The following KIAA1217 variants were observed in gnomAD, a reference collection of about 807,000 sequenced individuals.
The protein encoded by KIAA1217 is KIAA1217.
Under a neutral mutation model 163.9 loss-of-function variants are expected in KIAA1217, and 88 were observed. That is an observed-to-expected ratio of 0.54 (90% CI 0.45 to 0.64). KIAA1217 has a LOEUF of 0.64. Ranked by LOEUF, KIAA1217 falls within the 30% of genes least tolerant of loss-of-function variation. The probability of loss-of-function intolerance (pLI) is 0.00; values close to 1 mark genes in which losing one functional copy is unlikely to be tolerated. For missense variants in KIAA1217, 2,372 were observed against 2,475.0 expected (o/e 0.96, Z 0.88); for synonymous variants, 903 against 923.1 (o/e 0.98, Z 0.39).
intron 1 of KIAA1217, among the ~76,000 whole-genome samples, chr10:23,848,998 A>G (rs914044925): frequency 3.3e-5 from 5 of 152,042 alleles, no homozygotes; most frequent in Admixed American, 1.3e-4. Context: ...AATTGTGTCT[A>G]TTTTCTATTT....
intron 2 of KIAA1217, among the ~76,000 whole-genome samples, chr10:24,137,471 G>A (rs1216658329): frequency 1.3e-5 from 2 of 152,222 alleles, no homozygotes; most frequent in Non-Finnish European, 2.9e-5. Context: ...ACACTCTTTG[G>A]AAGTTCTCAC....
intron 1 of KIAA1217, among the ~76,000 whole-genome samples, chr10:23,852,235 C>T (rs1456685209): frequency 2.0e-5 from 3 of 152,144 alleles, no homozygotes; most frequent in African/African-American, 7.2e-5. Context: ...CTACATATGG[C>T]TAGCCAGTTT....
At chr10:24,393,866 C>T (rs1311071257) in intron 3 of KIAA1217, among the ~76,000 whole-genome samples, 3 of 152,178 alleles carry the variant, frequency 2.0e-5, no homozygotes. Flanking sequence ...CACAGCCCCA[C>T]GTACTTAATT....
intron 1 of KIAA1217, among the ~76,000 whole-genome samples, chr10:23,980,316 T>A (rs1196357975): frequency 6.6e-6 from 1 of 152,200 alleles, no homozygotes; most frequent in Non-Finnish European, 1.5e-5. Flanking sequence ...AAATGTCAGA[T>A]GTCATTATCT....
At chr10:24,315,987 G>T (rs1469439041) in intron 2 of KIAA1217, among the ~76,000 whole-genome samples, 1 of 151,898 alleles carries the variant, frequency 6.6e-6, no homozygotes, top group Admixed American at 6.6e-5. Context: ...ATTATAAAGG[G>T]TAGTTCCCTG....
At chr10:24,484,241 AT>A (rs59233394) in intron 6 of KIAA1217, among the ~76,000 whole-genome samples, 8,983 of 72,158 alleles carry the variant, frequency 0.12, 177 homozygotes, top group South Asian at 0.2. Flanking sequence ...ATATATATAT[AT>A]TTTTTTTTTT....
At chr10:24,446,151 A>G (rs1402045400) in intron 5 of KIAA1217, among the ~76,000 whole-genome samples, 2 of 151,966 alleles carry the variant, frequency 1.3e-5, no homozygotes, top group African/African-American at 4.8e-5. Flanking sequence ...GCATTTTTTC[A>G]TGTGTTTTTT....
At chr10:24,362,070 T>C (rs2050111219) in intron 2 of KIAA1217, among the ~76,000 whole-genome samples, 1 of 152,188 alleles carries the variant, frequency 6.6e-6, no homozygotes, top group Non-Finnish European at 1.5e-5. Flanking sequence ...TCTTGTTCAT[T>C]TGTTAAAATA....
chr10:24,486,841 C>T (rs1383763885), intron 6 of KIAA1217, among the ~76,000 whole-genome samples: 1 of 152,106 alleles, frequency 6.6e-6, no homozygotes, highest in South Asian at 2.1e-4. Flanking sequence ...TCATCTATTT[C>T]GCTAATGGTC....
chr10:23,818,349 A>ATATATATATATATATAT (rs1488592375), intron 1 of KIAA1217, among the ~76,000 whole-genome samples: 5 of 126,844 alleles, frequency 3.9e-5, no homozygotes, highest in Admixed American at 3.2e-4. Context: ...TATATATAAA[A>ATATATATATATATATAT]AAATATATAT....
intron 16 of KIAA1217, among the ~76,000 whole-genome samples, chr10:24,533,608 G>A (rs1043278761): frequency 2.0e-4 from 30 of 152,202 alleles, no homozygotes; most frequent in African/African-American, 6.0e-4. Flanking sequence ...GACACGTTAC[G>A]TGGGTTCCCG....
intron 5 of KIAA1217, among the ~76,000 whole-genome samples, chr10:24,460,944 C>A (rs895517696): frequency 6.6e-6 from 1 of 152,078 alleles, no homozygotes; most frequent in Non-Finnish European, 1.5e-5. Context: ...AAGCTGAGAC[C>A]ACATGAGGCT....
chr10:23,697,779 A>G (rs1416507109), intron 1 of KIAA1217, among the ~76,000 whole-genome samples: 1 of 151,690 alleles, frequency 6.6e-6, no homozygotes, highest in Non-Finnish European at 1.5e-5. Flanking sequence ...TGGCAAGCTG[A>G]GGTGGGAAGA....
At chr10:23,988,963 C>T (rs76014820) in intron 1 of KIAA1217, among the ~76,000 whole-genome samples, 2,586 of 152,212 alleles carry the variant, frequency 0.017, 70 homozygotes, top group African/African-American at 0.059. Context: ...AATCTCATTA[C>T]GTAATACCTT....
rs146417780 is a variant in KIAA1217, at chr10:23,836,931, A to AAGGG, written c.-321+141719_-321+141722dup. Among the ~76,000 whole-genome samples, 714 of 132,596 alleles carry AAGGG rather than the reference A, an allele frequency of 5.4e-3. 3 individuals are homozygous for AAGGG. Among genetic ancestry groups the AAGGG allele is most frequent in the South Asian group, 0.019 (66 of 3,402 alleles). 87.0% of individuals were successfully genotyped at this position (132,596 alleles called of 152,430 possible). ...GAGTGAGACCCTGTGGGAAGGAAGG[A>AAGGG]AGGGAGGGAGGGAGGGAGGGAGGGA... On this transcript the variant is annotated intron_variant, in intron 1 of 18. Coordinates refer to the KIAA1217 transcript ENST00000376462.
At chr10:23,988,555 G>C (rs1029885588) in intron 1 of KIAA1217, among the ~76,000 whole-genome samples, 1 of 152,048 alleles carries the variant, frequency 6.6e-6, no homozygotes, top group African/African-American at 2.4e-5. Context: ...GAGCATCAGA[G>C]AAAGACCAAA....
intron 8 of KIAA1217, among the ~76,000 whole-genome samples, chr10:24,498,784 G>T (rs1486807277): frequency 6.6e-6 from 1 of 152,188 alleles, no homozygotes; most frequent in Non-Finnish European, 1.5e-5. Flanking sequence ...CTGCACTCAA[G>T]CCTGAGTGAC....
chr10:23,780,827 C>A (rs539532035), intron 1 of KIAA1217, among the ~76,000 whole-genome samples: 2 of 151,468 alleles, frequency 1.3e-5, no homozygotes, highest in South Asian at 4.2e-4. Context: ...ATTACAGGTG[C>A]CCACCACCAT....
rs918810767 is a variant in KIAA1217 at position 23,885,468 on chromosome 10, G to T, written c.-320-121757G>T. Reference sequence around the variant, plus strand: ...TAAATGGGGAAACTGACAGAGAGTAGATTTGAAGGTGAAGGACTTCGCCTG... The same window carrying T: ...TAAATGGGGAAACTGACAGAGAGTATATTTGAAGGTGAAGGACTTCGCCTG... On this transcript the variant is annotated intron_variant, in intron 1 of 18. Transcript: ENST00000376462. 7.2e-5 allele frequency among the ~76,000 whole-genome samples: 11 copies of T among 152,034 alleles called. No homozygotes were observed. The South Asian group carries it at 1.2e-3, about 17-fold the overall frequency.
Sources: allele counts gnomAD v4.1 joint callset (sites outside exome capture counted in the v4.1 genomes callset), GRCh38; gene constraint gnomAD v4.1.1; transcripts MANE v1.5; gene names NCBI Gene and HGNC (gene_info 2026-07-23, HGNC 2026-07-21).